Variants in EXOSC9 observed in about 807,000 individuals in gnomAD.
EXOSC9 encodes the protein exosome complex component RRP45.
Under a neutral mutation model 56.5 loss-of-function variants are expected in EXOSC9, and 38 were observed. The ratio of observed to expected loss-of-function variants is 0.67; its 90% confidence interval spans 0.52 to 0.88. The LOEUF is 0.88. Ranked by LOEUF, EXOSC9 falls within the 40% of genes least tolerant of loss-of-function variation. The pLI, the probability that EXOSC9 is intolerant of heterozygous loss-of-function variation, is 0.00. For missense variants in EXOSC9, 559 were observed against 530.5 expected, an observed-to-expected ratio of 1.05 and a Z score of -0.53; for synonymous variants, 170 against 170.8, an observed-to-expected ratio of 0.99 and a Z score of 0.04.
chr4:121,811,883 A>G (rs1477439426), intron 8 of EXOSC9, among the ~76,000 whole-genome samples: 1 of 152,212 alleles, frequency 6.6e-6, no homozygotes, highest in African/African-American at 2.4e-5. Context: ...GAAACTGGTA[A>G]CAGATATTGC....
chr4:121,814,314 T>C (rs1023599425), intron 10 of EXOSC9: 16 of 205,828 alleles, frequency 7.8e-5, no homozygotes, highest in African/African-American at 3.7e-4. Context: ...TTCAACTAAA[T>C]TATTGTGGCT....
At chr4:121,801,585 T>A in intron 1 of EXOSC9, 95 bp downstream of exon 1, 2 of 1,189,658 alleles carry the variant, frequency 1.7e-6, no homozygotes, top group Non-Finnish European at 2.5e-6. Flanking sequence ...GGGGAGCTAC[T>A]AGGGGAACGA....
In EXOSC9 at chr4:121,813,341, CAGA is replaced by C; in HGVS notation, c.940_942del (p.Glu314del). The C allele has an allele frequency of 1.2e-6, 2 of 1,613,464 alleles. No homozygotes were observed. The highest frequency in any genetic ancestry group is 1.7e-6 in the Non-Finnish European group (2 of 1,179,704). ...GATACCTCGGATGTAGAAGAAAAAGCAGAAGAAATCATTGCTGAAGCAGAACCT... is the reference window on the plus strand; with the variant it reads ...GATACCTCGGATGTAGAAGAAAAAGCAGAAATCATTGCTGAAGCAGAACCT... On this transcript the variant is annotated inframe_deletion, in exon 9 of 12. Transcript: ENST00000243498.
At chr4:121,808,292 T>C (rs915844758) in intron 6 of EXOSC9, among the ~76,000 whole-genome samples, 2 of 152,164 alleles carry the variant, frequency 1.3e-5, no homozygotes, top group Non-Finnish European at 2.9e-5. Context: ...AGTGTAGAGT[T>C]TTATCAGAGG....
chr4:121,813,740 T>C (rs573770664), intron 9 of EXOSC9, 126 bp from the exon 10 acceptor site: 2 of 674,104 alleles, frequency 3.0e-6, no homozygotes, highest in Non-Finnish European at 2.4e-6. Flanking sequence ...CTATATTAAG[T>C]TTTTTTTCCC....
intron 6 of EXOSC9, among the ~76,000 whole-genome samples, chr4:121,809,067 C>A (rs1425291568): frequency 6.6e-6 from 1 of 152,008 alleles, no homozygotes; most frequent in Non-Finnish European, 1.5e-5. Flanking sequence ...TAGCTCACTG[C>A]AGCCTACTTC....
rs753982980 is a variant in EXOSC9, at chr4:121,802,730, A to T, written c.218A>T (p.Glu73Val). Residue 73 changes from glutamate to valine, a missense_variant, in exon 3 of 12, where the codon GAA (glutamate) becomes GTA (valine). Glu to Val is a moderately radical substitution (Grantham distance 121, BLOSUM62 -2). Transcript: ENST00000243498. ...LVSPKLNRAT[E>V]GILFFNLELS... Reference sequence around the variant, plus strand: ...TCTCCAAAACTCAATCGGGCAACAGAAGGTATTCTTTTTTTTAACCTTGAA... The same window carrying T: ...TCTCCAAAACTCAATCGGGCAACAGTAGGTATTCTTTTTTTTAACCTTGAA... 5.0e-6 allele frequency: 8 copies of T among 1,613,982 alleles called. No individual in the cohort carries two copies. The highest frequency in any genetic ancestry group is 1.7e-6 in the Non-Finnish European group (2 of 1,179,986).
intron 10 of EXOSC9, 54 bp downstream of exon 10, chr4:121,814,101 C>T (rs753130418): frequency 8.4e-6 from 9 of 1,073,346 alleles, no homozygotes; most frequent in South Asian, 4.2e-5. Context: ...ATAGTATTAC[C>T]GTATAGTTAT....
intron 8 of EXOSC9, among the ~76,000 whole-genome samples, chr4:121,812,663 A>T (rs1236930418): frequency 6.6e-6 from 1 of 151,876 alleles, no homozygotes; most frequent in Non-Finnish European, 1.5e-5. Context: ...GCTAATTTTT[A>T]TATTTTTAGT....
chr4:121,812,926 C>T (rs1476683913), intron 8 of EXOSC9, among the ~76,000 whole-genome samples: 1 of 152,172 alleles, frequency 6.6e-6, no homozygotes, highest in Non-Finnish European at 1.5e-5. Flanking sequence ...CATAACCCAG[C>T]ATTTCAGTGT....
chr4:121,814,056 C>T lies in EXOSC9; in HGVS notation c.1156+9C>T. 1 of 1,507,010 alleles carries T rather than the reference C, an allele frequency of 6.6e-7. No individual in the cohort carries two copies. The highest frequency in any genetic ancestry group is 2.1e-5 in the African/African-American group (1 of 48,068). 93.4% of individuals were successfully genotyped at this position (1,507,010 alleles called of 1,614,324 possible). Reference sequence around the variant, plus strand: ...TGATATTGGAAGCCAAGGTAGGTGACACTTTATGGCACACTTACTATATAT... The same window carrying T: ...TGATATTGGAAGCCAAGGTAGGTGATACTTTATGGCACACTTACTATATAT... On this transcript the variant is annotated intron_variant, in intron 10 of 11. Coordinates refer to ENST00000243498, the MANE Select transcript of EXOSC9 (RefSeq NM_005033.3).
Position 121,816,914 on chromosome 4 carries a change from G to C in EXOSC9, c.*58G>C. 1 of 1,395,088 alleles carries C rather than the reference G, an allele frequency of 7.2e-7. No individual in the cohort carries two copies. The highest frequency in any genetic ancestry group is 9.5e-7 in the Non-Finnish European group (1 of 1,049,144). The allele number at this position is 1,395,088 out of a possible 1,614,324, so 86.4% of individuals were successfully genotyped here. On this transcript the variant is annotated 3_prime_UTR_variant, in exon 12 of 12. Transcript: ENST00000243498. ...TTAAAAGGGATATTTATTCCATTCT[G>C]AGAACCCTGGGTATTTTTTATTCAC...
intron 6 of EXOSC9, among the ~76,000 whole-genome samples, chr4:121,809,435 A>G (rs1162552821): frequency 3.3e-5 from 5 of 152,208 alleles, no homozygotes; most frequent in African/African-American, 4.8e-5. Flanking sequence ...GAGATAGTCT[A>G]CATTCTTTTG....
chr4:121,816,025 A>G, intron 10 of EXOSC9: 1 of 1,086,722 alleles, frequency 9.2e-7, no homozygotes, highest in South Asian at 3.0e-5. Flanking sequence ...ACTGGAGTGC[A>G]GTGGCACTGC....
At chr4:121,801,717 G>T in intron 1 of EXOSC9, 110 bp from the exon 2 acceptor site, 1 of 950,148 alleles carries the variant, frequency 1.1e-6, no homozygotes, top group South Asian at 1.4e-5. Flanking sequence ...TGGGCGGGCT[G>T]GTTAGGATTC....
intron 6 of EXOSC9, among the ~76,000 whole-genome samples, chr4:121,808,752 A>C (rs1037018595): frequency 4.0e-5 from 6 of 149,784 alleles, no homozygotes; most frequent in African/African-American, 1.5e-4. Flanking sequence ...ATCATGTTTT[A>C]TTGCAGCCTC....
In EXOSC9 at chr4:121,801,921, G is replaced by C. The variant is rs1472100946; in HGVS notation, c.161G>C (p.Arg54Thr). Residue 54 changes from arginine (R) to threonine (T), a missense_variant and splice_region_variant, in exon 2 of 12, where the codon AGA becomes ACA. Transcript: ENST00000243498. ...GCCIVELGKT[R>T]VLGQVSCELV... ...TGCATTGTGGAACTTGGAAAAACAA[G>C]GTAACAGGATTTAAATGAGATACAC... 8 of 1,604,032 alleles carry C rather than the reference G, an allele frequency of 5.0e-6. No homozygotes were observed. Among genetic ancestry groups the C allele is most frequent in the Non-Finnish European group, 6.0e-6 (7 of 1,171,042 alleles).
chr4:121,813,370 C>T lies in EXOSC9; in HGVS notation c.964C>T (p.Pro322Ser), dbSNP rs1416438780. 5 of 1,612,220 alleles carry T rather than the reference C, an allele frequency of 3.1e-6. No individual in the cohort carries two copies. The highest frequency in any genetic ancestry group is 4.2e-6 in the Non-Finnish European group (5 of 1,179,316). ...AEEIIAEAEP[P>S]SEVVSTPVLW... Reference sequence around the variant, plus strand: ...AGAAATCATTGCTGAAGCAGAACCTCCTTCAGAAGTGTATCTTTATTTGGT... The same window carrying T: ...AGAAATCATTGCTGAAGCAGAACCTTCTTCAGAAGTGTATCTTTATTTGGT... Residue 322 changes from proline (P) to serine (S), a missense_variant, in exon 9 of 12, where the codon CCT becomes TCT. By Grantham distance (74) the Pro-to-Ser change is moderately conservative. Coordinates refer to ENST00000243498, the MANE Select transcript of EXOSC9 (RefSeq NM_005033.3).
At position 121,802,725 on chromosome 4, in the gene EXOSC9, A is replaced by C. The variant is rs1449563592; in HGVS notation, c.213A>C (p.Ala71=). The C allele has an allele frequency of 1.2e-6, 2 of 1,614,158 alleles. No homozygotes were observed. Among genetic ancestry groups the C allele is most frequent in the Non-Finnish European group, 1.7e-6 (2 of 1,179,996 alleles). ...TTGTGTCTCCAAAACTCAATCGGGCAACAGAAGGTATTCTTTTTTTTAACC... is the reference window on the plus strand; with the variant it reads ...TTGTGTCTCCAAAACTCAATCGGGCCACAGAAGGTATTCTTTTTTTTAACC... The part of the protein sequence containing the change: ...CELVSPKLNR[A]TEGILFFNLE... The change falls in exon 3 of 12, where the codon GCA becomes GCC. Residue 71 remains alanine (A), a synonymous_variant. Coordinates refer to ENST00000243498, the MANE Select transcript of EXOSC9 (RefSeq NM_005033.3).
Sources: gnomAD v4.1 joint callset for allele counts (sites outside exome capture counted in the v4.1 genomes callset) on GRCh38, gnomAD v4.1.1 for gene constraint, MANE v1.5 for transcripts, NCBI Gene and HGNC (gene_info 2026-07-23, HGNC 2026-07-21) for gene names.